Variants in ATXN1 observed in about 807,000 individuals in gnomAD.
ATXN1 encodes ataxin 1.
ATXN1 carries 8 observed loss-of-function variants against 56.4 expected under a neutral mutation model. The observed-to-expected ratio is 0.14, with a 90% CI of 0.08 to 0.26. The LOEUF is 0.26. Ranked by LOEUF, ATXN1 falls within the 10% of genes least tolerant of loss-of-function variation. The pLI, the probability that ATXN1 is intolerant of heterozygous loss-of-function variation, is 1.00. For missense variants in ATXN1, 987 were observed against 1,106.5 expected (o/e 0.89, Z 1.53); for synonymous variants, 514 against 494.6 (o/e 1.04, Z -0.52).
At chr6:16,501,321 T>C (rs1760881337) in intron 5 of ATXN1, among the ~76,000 whole-genome samples, 1 of 152,212 alleles carries the variant, frequency 6.6e-6, no homozygotes, top group Admixed American at 6.5e-5. Flanking sequence ...TATTTTTAAA[T>C]TTTACTTTAA....
At chr6:16,386,395 C>T (rs1174994616) in intron 6 of ATXN1, among the ~76,000 whole-genome samples, 1 of 152,196 alleles carries the variant, frequency 6.6e-6, no homozygotes, top group Non-Finnish European at 1.5e-5. Context: ...GGGCTGAGAA[C>T]ATTTTAACAT....
At chr6:16,496,831 G>A (rs773457436) in intron 5 of ATXN1, among the ~76,000 whole-genome samples, 7 of 152,050 alleles carry the variant, frequency 4.6e-5, no homozygotes, top group Non-Finnish European at 8.8e-5. Flanking sequence ...TTGGCTCTAG[G>A]ACACATATTC....
chr6:16,641,493 A>C (rs1763704822), intron 3 of ATXN1, among the ~76,000 whole-genome samples: 1 of 152,268 alleles, frequency 6.6e-6, no homozygotes, highest in African/African-American at 2.4e-5. Flanking sequence ...GGAACAACAA[A>C]GCCTGGATGA....
At chr6:16,535,808 G>A (rs1468897000) in intron 4 of ATXN1, among the ~76,000 whole-genome samples, 1 of 152,144 alleles carries the variant, frequency 6.6e-6, no homozygotes, top group African/African-American at 2.4e-5. Context: ...CCTCGGCTGA[G>A]GTCATCAAGA....
chr6:16,299,631 G>A lies in ATXN1; in HGVS notation c.*6698C>T, dbSNP rs553605064. On this transcript the variant is annotated 3_prime_UTR_variant, in exon 8 of 8. Transcript: ENST00000436367. The stretch of plus-strand genomic sequence containing the variant: ...TCCCTTGGCCTGTGGGAGGCATATG[G>A]TGGGTAATGATCTGATATTAAAACA... The A allele has an allele frequency of 6.9e-6, 1 of 144,886 alleles. No individual in the cohort carries two copies. Among genetic ancestry groups the A allele is most frequent in the Non-Finnish European group, 1.5e-5 (1 of 67,804 alleles). The allele number at this position is 144,886 out of a possible 1,614,324, so 9.0% of individuals were successfully genotyped here.
chr6:16,659,710 C>T (rs575899340), intron 2 of ATXN1, among the ~76,000 whole-genome samples: 4 of 152,290 alleles, frequency 2.6e-5, no homozygotes, highest in East Asian at 1.9e-4. Flanking sequence ...AAATGTAATG[C>T]GGTTTTAGTT....
rs369382429 is a variant in ATXN1, at chr6:16,359,030, C to G, written c.-160-30560G>C. Among the ~76,000 whole-genome samples the G allele has an allele frequency of 3.9e-5, 6 of 152,368 alleles. No individual in the cohort carries two copies. In the South Asian group the frequency reaches 1.2e-3, roughly 32 times the overall value. Reference sequence around the variant, plus strand: ...CGTCTCTGCAGCCTGCACCCTTGGGCGCCCCAGGAAGGACCCTCCCCATCT... The same window carrying G: ...CGTCTCTGCAGCCTGCACCCTTGGGGGCCCCAGGAAGGACCCTCCCCATCT... On this transcript the variant is annotated intron_variant, in intron 6 of 7. Coordinates refer to ENST00000436367, the MANE Select transcript of ATXN1 (RefSeq NM_001128164.2).
At chr6:16,544,609 G>A (rs906837178) in intron 4 of ATXN1, among the ~76,000 whole-genome samples, 29 of 152,118 alleles carry the variant, frequency 1.9e-4, no homozygotes, top group Non-Finnish European at 2.1e-4. Flanking sequence ...TTTTCCAGGC[G>A]CGTTGGCGTG....
chr6:16,389,669 C>G (rs1758313200), intron 6 of ATXN1, among the ~76,000 whole-genome samples: 1 of 152,190 alleles, frequency 6.6e-6, no homozygotes, highest in African/African-American at 2.4e-5. Flanking sequence ...CATTTTCCTT[C>G]TGGAGGAAAA....
At chr6:16,390,177 C>T (rs1372710637) in intron 6 of ATXN1, among the ~76,000 whole-genome samples, 1 of 152,200 alleles carries the variant, frequency 6.6e-6, no homozygotes, top group Admixed American at 6.5e-5. Context: ...GCTACTAGTA[C>T]TCTAACTGTG....
intron 6 of ATXN1, among the ~76,000 whole-genome samples, chr6:16,337,448 C>T (rs1017314393): frequency 5.3e-5 from 8 of 152,196 alleles, no homozygotes; most frequent in African/African-American, 1.4e-4. Flanking sequence ...ATGGAAAACG[C>T]GCTGCAGTGG....
intron 2 of ATXN1, among the ~76,000 whole-genome samples, chr6:16,680,501 G>A (rs530561234): frequency 2.0e-5 from 3 of 152,148 alleles, no homozygotes; most frequent in Non-Finnish European, 4.4e-5. Context: ...AAGCTGTGTG[G>A]TTCATTCATC....
rs112201752 is a variant in ATXN1 at position 16,647,798 on chromosome 6, G to A, written c.-489+9978C>T. Among the ~76,000 whole-genome samples the A allele has an allele frequency of 4.5e-4, 68 of 152,242 alleles. 1 individual carries two copies. Among genetic ancestry groups the A allele is most frequent in the African/African-American group, 1.3e-3 (55 of 41,548 alleles). On this transcript the variant is annotated intron_variant, in intron 3 of 7. Transcript: ENST00000436367. ...AATGCTGGAAAAATAAAATAAGGCC[G>A]GGCGCAGTGGCTCACGCCTGTAATC... is the stretch of plus-strand genomic sequence containing the variant.
intron 5 of ATXN1, among the ~76,000 whole-genome samples, chr6:16,511,839 T>C (rs1761086561): frequency 6.6e-6 from 1 of 152,244 alleles, no homozygotes; most frequent in Non-Finnish European, 1.5e-5. Context: ...TCCTCAGTTC[T>C]GAGGAGAATG....
At chr6:16,318,729 C>T (rs1581685631) in intron 7 of ATXN1, among the ~76,000 whole-genome samples, 1 of 152,184 alleles carries the variant, frequency 6.6e-6, no homozygotes, top group African/African-American at 2.4e-5. Flanking sequence ...TAACACAAAT[C>T]CCACATTAAA....
At chr6:16,676,562 C>T (rs1758665295) in intron 2 of ATXN1, among the ~76,000 whole-genome samples, 1 of 152,140 alleles carries the variant, frequency 6.6e-6, no homozygotes. Flanking sequence ...GGTCCTTGCA[C>T]TCTCCATCTA....
intron 5 of ATXN1, among the ~76,000 whole-genome samples, chr6:16,503,775 A>G (rs548821356): frequency 6.6e-6 from 1 of 152,178 alleles, no homozygotes; most frequent in Non-Finnish European, 1.5e-5. Context: ...AAACTAGGGA[A>G]AAATATTTAT....
At chr6:16,391,967 C>T (rs1333452812) in intron 6 of ATXN1, among the ~76,000 whole-genome samples, 1 of 152,164 alleles carries the variant, frequency 6.6e-6, no homozygotes, top group Non-Finnish European at 1.5e-5. Context: ...AAAAATCCAG[C>T]AGTCAGGTTA....
At chr6:16,539,542 A>G (rs1761671702) in intron 4 of ATXN1, among the ~76,000 whole-genome samples, 1 of 152,224 alleles carries the variant, frequency 6.6e-6, no homozygotes, top group South Asian at 2.1e-4. Flanking sequence ...TCACCCAGAT[A>G]TGGGTGGCCT....
Sources: allele counts gnomAD v4.1 joint callset (sites outside exome capture counted in the v4.1 genomes callset), GRCh38; gene constraint gnomAD v4.1.1; transcripts MANE v1.5; gene names NCBI Gene and HGNC (gene_info 2026-07-23, HGNC 2026-07-21).